KIAA1217: variants seen among roughly 807,000 people sequenced by gnomAD.
KIAA1217 encodes the protein sickle tail protein homolog.
Under a neutral mutation model 163.9 loss-of-function variants are expected in KIAA1217, and 88 were observed. The observed-to-expected ratio is 0.54, with a 90% CI of 0.45 to 0.64. The LOEUF (loss-of-function observed/expected upper bound fraction) is 0.64, where lower values mean the gene tolerates loss of function less well. KIAA1217 is among the 30% of genes least tolerant of loss of function. The pLI is 0.00. For synonymous variants in KIAA1217, 903 were observed against 923.1 expected, an observed-to-expected ratio of 0.98 and a Z score of 0.39; for missense variants, 2,372 against 2,475.0, an observed-to-expected ratio of 0.96 and a Z score of 0.88.
intron 5 of KIAA1217, among the ~76,000 whole-genome samples, chr10:24,440,350 C>T (rs1045024907): frequency 1.1e-4 from 17 of 152,272 alleles, no homozygotes; most frequent in Non-Finnish European, 2.4e-4. Flanking sequence ...TCAATGTCTT[C>T]GCTCCTTGAA....
intron 2 of KIAA1217, among the ~76,000 whole-genome samples, chr10:24,142,248 C>T (rs890451081): frequency 1.3e-5 from 2 of 152,224 alleles, no homozygotes; most frequent in Admixed American, 6.5e-5. Flanking sequence ...AACATACCTA[C>T]GAGTTTTCCA....
chr10:23,901,926 A>T (rs188892811), intron 1 of KIAA1217, among the ~76,000 whole-genome samples: 20 of 151,832 alleles, frequency 1.3e-4, no homozygotes. Context: ...AAAAAAAAAA[A>T]AAAAGGAAGA....
At chr10:24,440,799 T>C (rs1220661906) in intron 5 of KIAA1217, among the ~76,000 whole-genome samples, 1 of 152,230 alleles carries the variant, frequency 6.6e-6, no homozygotes, top group Non-Finnish European at 1.5e-5. Context: ...TGTGTTTCAA[T>C]GCAGATTACT....
At chr10:23,984,182 C>T (rs1053325189) in intron 1 of KIAA1217, among the ~76,000 whole-genome samples, 22 of 152,196 alleles carry the variant, frequency 1.4e-4, no homozygotes, top group East Asian at 3.8e-4. Context: ...CTCCACCCTA[C>T]GAGAGAAGCT....
intron 3 of KIAA1217, among the ~76,000 whole-genome samples, chr10:24,412,310 G>A (rs758065358): frequency 1.1e-4 from 17 of 152,136 alleles, no homozygotes; most frequent in Non-Finnish European, 2.4e-4. Context: ...GAGATTGGAT[G>A]ACCTCATGTT....
intron 3 of KIAA1217, among the ~76,000 whole-genome samples, chr10:24,385,119 G>T (rs2053839525): frequency 6.6e-6 from 1 of 152,200 alleles, no homozygotes; most frequent in South Asian, 2.1e-4. Flanking sequence ...AAAGGGGAGG[G>T]CTAGGCAACT....
intron 6 of KIAA1217, among the ~76,000 whole-genome samples, chr10:24,478,306 G>A (rs1284241686): frequency 1.3e-5 from 2 of 152,204 alleles, no homozygotes; most frequent in Non-Finnish European, 2.9e-5. Context: ...GCTCACTCAA[G>A]ACTAAGTAAT....
chr10:24,072,261 C>T (rs145998952), intron 2 of KIAA1217, among the ~76,000 whole-genome samples: 20 of 152,132 alleles, frequency 1.3e-4, no homozygotes, highest in Non-Finnish European at 1.9e-4. Context: ...CTCCTAGCCT[C>T]AAGCAATGCT....
chr10:23,813,080 C>G (rs1280383756), intron 1 of KIAA1217, among the ~76,000 whole-genome samples: 1 of 152,154 alleles, frequency 6.6e-6, no homozygotes, highest in Non-Finnish European at 1.5e-5. Flanking sequence ...TTCAAAGTCT[C>G]TACATTCTCT....
At chr10:24,324,426 G>A (rs765871409) in intron 2 of KIAA1217, among the ~76,000 whole-genome samples, 1 of 152,058 alleles carries the variant, frequency 6.6e-6, no homozygotes, top group African/African-American at 2.4e-5. Flanking sequence ...AATTAGCCAG[G>A]CATGGTGGCA....
intron 2 of KIAA1217, among the ~76,000 whole-genome samples, chr10:24,170,030 C>T (rs2065550930): frequency 6.6e-6 from 1 of 152,212 alleles, no homozygotes; most frequent in South Asian, 2.1e-4. Context: ...GTAAGTGCAG[C>T]TCTCTGCTAG....
chr10:23,945,546 A>T (rs908367828), intron 1 of KIAA1217, among the ~76,000 whole-genome samples: 1 of 152,176 alleles, frequency 6.6e-6, no homozygotes, highest in Non-Finnish European at 1.5e-5. Flanking sequence ...AGTGGCGGTT[A>T]CGAAGTGTAT....
At position 24,308,286 on chromosome 10, in the gene KIAA1217, G is replaced by A. The variant is rs539060353; in HGVS notation, c.355-72583G>A. On this transcript the variant is annotated intron_variant, in intron 2 of 20. Coordinates refer to ENST00000376454, the MANE Select transcript of KIAA1217 (RefSeq NM_019590.5). ...TGGAAAAGGAATGTGTGCAGCCCTC[G>A]TAAGGATATACCGTTCCACATTCCA... is the stretch of plus-strand genomic sequence containing the variant. 2.4e-4 allele frequency among the ~76,000 whole-genome samples: 36 copies of A among 152,298 alleles called. No homozygotes were observed. In the South Asian group the frequency reaches 7.1e-3, roughly 30 times the overall value.
chr10:23,964,049 A>T (rs996311061), intron 1 of KIAA1217, among the ~76,000 whole-genome samples: 4 of 151,674 alleles, frequency 2.6e-5, no homozygotes, highest in African/African-American at 9.7e-5. Context: ...GTGCACCACC[A>T]CGCTCAGCTA....
intron 1 of KIAA1217, among the ~76,000 whole-genome samples, chr10:23,919,914 G>C (rs1032412386): frequency 6.6e-6 from 1 of 152,078 alleles, no homozygotes; most frequent in Non-Finnish European, 1.5e-5. Context: ...CACAGTACTT[G>C]CTTGAACTTG....
In KIAA1217 at chr10:23,897,968, C is replaced by T. The variant is rs543125414; in HGVS notation, c.-320-109257C>T. 1.4e-3 allele frequency among the ~76,000 whole-genome samples: 220 copies of T among 151,812 alleles called. 1 individual carries two copies. Among genetic ancestry groups the T allele is most frequent in the African/African-American group, 5.2e-3 (214 of 41,436 alleles). On this transcript the variant is annotated intron_variant, in intron 1 of 18. Transcript: ENST00000376462. ...CGCTCTCTCCTGAATCCTCAATTTC[C>T]CTTTTCTTACAAGTAGACTTCTATT...
intron 2 of KIAA1217, among the ~76,000 whole-genome samples, chr10:24,073,764 T>C (rs1212785975): frequency 6.6e-6 from 1 of 152,094 alleles, no homozygotes; most frequent in African/African-American, 2.4e-5. Context: ...GGGAACTTCA[T>C]GGAGGGAACT....
intron 5 of KIAA1217, chr10:24,466,584 G>C: frequency 9.1e-6 from 9 of 985,254 alleles, no homozygotes; most frequent in Non-Finnish European, 9.6e-6. Flanking sequence ...GGTCTTTATT[G>C]GTTGTGAACA....
chr10:23,900,359 A>G (rs1244622423), intron 1 of KIAA1217, among the ~76,000 whole-genome samples: 1 of 151,974 alleles, frequency 6.6e-6, no homozygotes, highest in African/African-American at 2.4e-5. Flanking sequence ...ATCCGCAGCT[A>G]CAATGGTTCC....
Sources: gnomAD v4.1 joint callset for allele counts (sites outside exome capture counted in the v4.1 genomes callset) on GRCh38, gnomAD v4.1.1 for gene constraint, MANE v1.5 for transcripts, NCBI Gene and HGNC (gene_info 2026-07-23, HGNC 2026-07-21) for gene names.